Variants in LRFN2 observed in about 807,000 individuals in gnomAD.
The protein encoded by LRFN2 is leucine rich repeat and fibronectin type III domain containing 2.
A neutral mutation model predicts 37.3 loss-of-function variants in LRFN2; 18 were observed. The ratio of observed to expected loss-of-function variants is 0.48; its 90% CI spans 0.33 to 0.72. LRFN2 has a LOEUF of 0.72. Ranked by LOEUF, LRFN2 falls within the 30% of genes least tolerant of loss-of-function variation. The probability of loss-of-function intolerance (pLI) is 0.02; values close to 1 mark genes in which losing one functional copy is unlikely to be tolerated. For synonymous variants in LRFN2, 556 were observed against 466.6 expected, an observed-to-expected ratio of 1.19 and a Z score of -2.47; for missense variants, 1,006 against 1,060.7, an observed-to-expected ratio of 0.95 and a Z score of 0.72.
intron 2 of LRFN2, among the ~76,000 whole-genome samples, chr6:40,397,374 G>A (rs1007030341): frequency 3.3e-5 from 5 of 152,188 alleles, no homozygotes; most frequent in African/African-American, 1.2e-4. Context: ...GGACTCAGCA[G>A]CCTCCAGTCA....
At chr6:40,494,017 C>A (rs1250373565) in intron 1 of LRFN2, among the ~76,000 whole-genome samples, 1 of 152,224 alleles carries the variant, frequency 6.6e-6, no homozygotes, top group African/African-American at 2.4e-5. Flanking sequence ...AATGGACCTC[C>A]CCTAGGGACA....
intron 2 of LRFN2, among the ~76,000 whole-genome samples, chr6:40,404,091 C>G (rs978812898): frequency 6.6e-6 from 1 of 152,166 alleles, no homozygotes; most frequent in Admixed American, 6.5e-5. Context: ...ACGTTCTCAG[C>G]GAGGCCATCC....
rs1406849577 is a variant in LRFN2 at position 40,432,985 on chromosome 6, C to G, written c.129G>C (p.Leu43=). ...GGTCAATATCAGGGGGTACAAAGAG[C>G]AGCCCCTTGGAGGGGCACAGGGTCC... The part of the protein sequence containing the change: ...SLGTLCPSKG[L]LFVPPDIDRR... Residue 43 remains leucine (L), a synonymous_variant, in exon 2 of 3, where the codon CTG becomes CTC. Transcript: ENST00000338305. 1.2e-6 allele frequency: 2 copies of G among 1,612,014 alleles called. No individual in the cohort carries two copies. Among genetic ancestry groups the G allele is most frequent in the East Asian group, 4.5e-5 (2 of 44,864 alleles).
chr6:40,576,160 CT>C (rs1361666568), intron 1 of LRFN2, among the ~76,000 whole-genome samples: 1 of 152,172 alleles, frequency 6.6e-6, no homozygotes, highest in East Asian at 1.9e-4. Flanking sequence ...ACAGGTATGG[CT>C]GCAGGTAGAG....
At chr6:40,420,782 A>T (rs1485716749) in intron 2 of LRFN2, among the ~76,000 whole-genome samples, 2 of 152,238 alleles carry the variant, frequency 1.3e-5, no homozygotes, top group African/African-American at 4.8e-5. Context: ...TGCCTGTCTT[A>T]GTTTGGGTTT....
At chr6:40,434,716 G>T (rs1015961295) in intron 1 of LRFN2, among the ~76,000 whole-genome samples, 20 of 151,696 alleles carry the variant, frequency 1.3e-4, no homozygotes, top group Non-Finnish European at 2.6e-4. Flanking sequence ...GACCTCAGGT[G>T]ATCCACCTGC....
At chr6:40,393,389 A>G (rs1442176069) in intron 2 of LRFN2, among the ~76,000 whole-genome samples, 1 of 151,988 alleles carries the variant, frequency 6.6e-6, no homozygotes, top group Non-Finnish European at 1.5e-5. Context: ...TATGGAAACA[A>G]AAACACAAAA....
intron 1 of LRFN2, among the ~76,000 whole-genome samples, chr6:40,468,576 G>GCC (rs1764524230): frequency 2.6e-5 from 4 of 152,070 alleles, no homozygotes; most frequent in Non-Finnish European, 5.9e-5. Flanking sequence ...AGTGGGTTAT[G>GCC]TGAAGCGCAA....
intron 1 of LRFN2, among the ~76,000 whole-genome samples, chr6:40,527,202 T>C (rs1008358172): frequency 6.6e-6 from 1 of 152,222 alleles, no homozygotes; most frequent in Non-Finnish European, 1.5e-5. Context: ...AGAAGCTACC[T>C]GAAGGAAGGC....
chr6:40,392,176 G>C lies in LRFN2; in HGVS notation c.2137C>G (p.Pro713Ala), dbSNP rs746821253. The change falls in exon 3 of 3, where the codon CCG (proline) becomes GCG (alanine). Residue 713 changes from proline (P) to alanine (A), a missense_variant. Physicochemically the swap from Pro to Ala is conservative, Grantham distance 27. Coordinates refer to ENST00000338305, the MANE Select transcript of LRFN2 (RefSeq NM_020737.3). The surrounding 1 kb of genome is among the most constrained non-coding windows in gnomAD (Gnocchi z 4.7). ...CTGCGTTTGGCCTTGCCCTCCAACG[G>C]CAAGGGGAGCAGGCTCCTGGCCCGG... is the stretch of plus-strand genomic sequence containing the variant. The part of the protein sequence containing the change: ...AARARSLLPL[P>A]LEGKAKRSHS... 1 of 1,595,848 alleles carries C rather than the reference G, an allele frequency of 6.3e-7. No individual in the cohort carries two copies.
intron 1 of LRFN2, among the ~76,000 whole-genome samples, chr6:40,515,941 A>G (rs939356009): frequency 5.3e-5 from 8 of 151,298 alleles, no homozygotes; most frequent in African/African-American, 1.9e-4. Context: ...GCCTCAGCAT[A>G]CAGGTATAAA....
At chr6:40,427,932 G>C (rs532553057) in intron 2 of LRFN2, among the ~76,000 whole-genome samples, 1 of 152,214 alleles carries the variant, frequency 6.6e-6, no homozygotes, top group Non-Finnish European at 1.5e-5. Context: ...TTGGGCTTTG[G>C]CATTCCTCTC....
At chr6:40,414,535 T>G (rs927291830) in intron 2 of LRFN2, among the ~76,000 whole-genome samples, 3 of 152,216 alleles carry the variant, frequency 2.0e-5, no homozygotes, top group African/African-American at 7.2e-5. Context: ...ATCCTTATCT[T>G]TATTGGAGGA....
chr6:40,481,439 CAAAA>C (rs11384253), intron 1 of LRFN2, among the ~76,000 whole-genome samples: 66 of 119,320 alleles, frequency 5.5e-4, no homozygotes, highest in African/African-American at 1.5e-3. Flanking sequence ...AAGATTGTCT[CAAAA>C]AAAAAAAAAA....
intron 1 of LRFN2, among the ~76,000 whole-genome samples, chr6:40,561,190 G>C (rs937811371): frequency 6.6e-6 from 1 of 152,166 alleles, no homozygotes; most frequent in African/African-American, 2.4e-5. Context: ...CAAGATTCTC[G>C]ATGTTCTGTG....
Position 40,564,785 on chromosome 6 carries a change from T to G in LRFN2, c.-19+22156A>C, listed in dbSNP as rs79984974. ...AGTAAAAATGCTTCTTAACAGCCCA[T>G]GATGCCCTACCTACCTCCCCAGCAT... On this transcript the variant is annotated intron_variant, in intron 1 of 2. Transcript: ENST00000338305. Among the ~76,000 whole-genome samples, 10 of 152,278 alleles carry G rather than the reference T, an allele frequency of 6.6e-5. No homozygotes were observed. The East Asian group carries it at 1.9e-3, about 29-fold the overall frequency.
intron 1 of LRFN2, among the ~76,000 whole-genome samples, chr6:40,461,727 A>T (rs1042972998): frequency 6.6e-6 from 1 of 152,164 alleles, no homozygotes; most frequent in Non-Finnish European, 1.5e-5. Context: ...GGCGAGGGAG[A>T]TTACCAGGTC....
intron 2 of LRFN2, among the ~76,000 whole-genome samples, chr6:40,414,951 C>T (rs1343238899): frequency 6.6e-6 from 1 of 152,212 alleles, no homozygotes; most frequent in Non-Finnish European, 1.5e-5. Context: ...AGAGCTGAGG[C>T]TGCCTTCAAA....
At chr6:40,458,668 G>C (rs749696028) in intron 1 of LRFN2, among the ~76,000 whole-genome samples, 1 of 152,194 alleles carries the variant, frequency 6.6e-6, no homozygotes, top group Non-Finnish European at 1.5e-5. Flanking sequence ...ATGGCAATGT[G>C]ACCTTGTGTT....
Sources: gnomAD v4.1 joint callset for allele counts (sites outside exome capture counted in the v4.1 genomes callset) on GRCh38, gnomAD v4.1.1 for gene constraint, Gnocchi (gnomAD v3.1) non-coding constraint, MANE v1.5 for transcripts, NCBI Gene and HGNC (gene_info 2026-07-23, HGNC 2026-07-21) for gene names.